The following SYNE1 variants were observed in gnomAD, a reference collection of about 807,000 sequenced individuals.
SYNE1 encodes nesprin-1.
SYNE1 carries 616 observed loss-of-function variants against 1,111.0 expected under a neutral mutation model. The ratio of observed to expected loss-of-function variants is 0.55; its 90% confidence interval spans 0.52 to 0.59. The LOEUF (loss-of-function observed/expected upper bound fraction) is 0.59. SYNE1 is among the 20% of genes least tolerant of loss of function. SYNE1 has a pLI of 0.00. For missense variants in SYNE1, 10,006 were observed against 10,417.0 expected, an observed-to-expected ratio of 0.96 and a Z score of 1.72; for synonymous variants, 3,855 against 3,825.8, an observed-to-expected ratio of 1.01 and a Z score of -0.28.
chr6:152,551,050 G>A (rs1457381159), intron 3 of SYNE1, among the ~76,000 whole-genome samples: 1 of 152,158 alleles, frequency 6.6e-6, no homozygotes, highest in Non-Finnish European at 1.5e-5. Flanking sequence ...CATTTGAACA[G>A]TTTCAAGCAG....
At chr6:152,212,457 C>T (rs1374234756) in intron 123 of SYNE1, among the ~76,000 whole-genome samples, 1 of 152,090 alleles carries the variant, frequency 6.6e-6, no homozygotes, top group Non-Finnish European at 1.5e-5. Context: ...ATATCAGTAC[C>T]TTATTCCTTT....
intron 17 of SYNE1, 77 bp from the exon 18 acceptor site, chr6:152,465,537 C>T: frequency 7.6e-7 from 1 of 1,311,334 alleles, no homozygotes; most frequent in East Asian, 2.5e-5. Flanking sequence ...TGGTCTTATA[C>T]ATTGGTGTGC....
chr6:152,559,623 GCAA>G (rs1044576694), intron 3 of SYNE1, among the ~76,000 whole-genome samples: 54 of 152,210 alleles, frequency 3.5e-4, no homozygotes, highest in African/African-American at 1.3e-3. Flanking sequence ...CTTAGGAGAT[GCAA>G]CAAAATAAGT....
chr6:152,488,335 A>C (rs2098952062), intron 12 of SYNE1, 61 bp downstream of exon 12: 2 of 850,168 alleles, frequency 2.4e-6, no homozygotes, highest in East Asian at 5.1e-5. Flanking sequence ...ATCAAATGAC[A>C]TATATAAATA....
At chr6:152,371,171 C>G (rs560790793) in intron 59 of SYNE1, among the ~76,000 whole-genome samples, 6 of 152,066 alleles carry the variant, frequency 3.9e-5, no homozygotes, top group African/African-American at 7.2e-5. Context: ...GTGTCCCCCC[C>G]CAAATCTCAT....
intron 63 of SYNE1, among the ~76,000 whole-genome samples, chr6:152,363,360 G>A (rs1022515633): frequency 6.1e-4 from 92 of 149,934 alleles, no homozygotes; most frequent in Non-Finnish European, 1.0e-3. Context: ...CGGGCATGGT[G>A]GCGGGCGCCT....
Position 152,135,147 on chromosome 6 carries a change from T to G in SYNE1, c.25745A>C (p.Asn8582Thr). 1 of 1,614,158 alleles carries G rather than the reference T, an allele frequency of 6.2e-7. No homozygotes were observed. The highest frequency in any genetic ancestry group is 8.5e-7 in the Non-Finnish European group (1 of 1,180,012). The change falls in exon 142 of 146, where the codon AAC becomes ACC. Residue 8582 changes from asparagine (N) to threonine (T), a missense_variant. This residue lies in a region of SYNE1 where 761 missense variants were observed against 795.5 expected (regional missense o/e 0.96). Transcript: ENST00000367255. The stretch of plus-strand genomic sequence containing the variant: ...GTCCTGAAGTATCTCTGCATCAAGG[T>G]TAGAATCAATAGGGACAATTTCATT... The part of the protein sequence containing the change: ...RKNEIVPIDS[N>T]LDAEILQDHH...
intron 64 of SYNE1, among the ~76,000 whole-genome samples, chr6:152,360,880 A>G (rs1264398779): frequency 6.6e-6 from 1 of 152,216 alleles, no homozygotes; most frequent in African/African-American, 2.4e-5. Flanking sequence ...ACTTTTATTC[A>G]GCGTGTGTTC....
chr6:152,155,963 G>T lies in SYNE1; in HGVS notation c.23925C>A (p.Asn7975Lys), dbSNP rs1586409516. The change falls in exon 132 of 146, where the codon AAC (asparagine) becomes AAA (lysine). Residue 7975 changes from asparagine (N) to lysine (K), a missense_variant. Asn to Lys is a moderately conservative substitution (Grantham distance 94, BLOSUM62 0). Around this residue, in one of 7 missense-constraint regions of SYNE1, gnomAD observed 2,182 missense variants for 2,287.8 expected, o/e 0.95. Coordinates refer to ENST00000367255, the MANE Select transcript of SYNE1 (RefSeq NM_182961.4). ...ECDSIQQATR[N>K]LDRRWRNICA... is the part of the protein sequence containing the mutation. ...AAATGTTTCTCCACCGCCGGTCCAG[G>T]TTTCTCGTAGCCTGCTGTATAGAGT... The T allele has an allele frequency of 4.3e-6, 7 of 1,614,054 alleles. No homozygotes were observed. In the East Asian group the frequency reaches 1.1e-4, roughly 26 times the overall value.
intron 130 of SYNE1, among the ~76,000 whole-genome samples, chr6:152,165,008 G>C (rs192672032): frequency 3.9e-5 from 6 of 152,218 alleles, no homozygotes; most frequent in Admixed American, 1.3e-4. Context: ...TTAAAGGCAG[G>C]GATCTGCAAT....
chr6:152,543,350 TTTAC>T (rs778644528), intron 3 of SYNE1, among the ~76,000 whole-genome samples: 56 of 152,172 alleles, frequency 3.7e-4, no homozygotes, highest in Non-Finnish European at 7.2e-4. Flanking sequence ...TTTTTCTGAT[TTTAC>T]TTACTATTTT....
At chr6:152,439,117 T>C (rs1423759609) in intron 32 of SYNE1, among the ~76,000 whole-genome samples, 1 of 152,246 alleles carries the variant, frequency 6.6e-6, no homozygotes, top group African/African-American at 2.4e-5. Flanking sequence ...TAATTCGGCA[T>C]ATTATATGTG....
intron 38 of SYNE1, 74 bp from the exon 39 acceptor site, chr6:152,425,621 G>A: frequency 1.3e-6 from 2 of 1,563,712 alleles, no homozygotes; most frequent in East Asian, 2.2e-5. Flanking sequence ...ACAGGCGGCT[G>A]TTGTCCAAAG....
In SYNE1 at chr6:152,255,128, C is replaced by G. The variant is rs543287430; in HGVS notation, c.19261-39G>C. The stretch of plus-strand genomic sequence containing the variant: ...AAGGGCATTTTTCAGTGTTTAGATA[C>G]ATGAATTGATATGCAAATCATGTTA... On this transcript the variant is annotated intron_variant, in intron 103 of 145. Coordinates refer to ENST00000367255, the MANE Select transcript of SYNE1 (RefSeq NM_182961.4). 6 of 1,482,804 alleles carry G rather than the reference C, an allele frequency of 4.0e-6. No individual in the cohort carries two copies. The South Asian group carries it at 7.2e-5, about 18-fold the overall frequency. The allele number at this position is 1,482,804 out of a possible 1,614,324, so 91.9% of individuals were successfully genotyped here.
rs779176432 is a variant in SYNE1, at chr6:152,350,699, C to G, written c.11652G>C (p.Leu3884Phe). The change falls in exon 71 of 146, where the codon TTG becomes TTC. Residue 3884 changes from leucine (L) to phenylalanine (F), a missense_variant. Transcript: ENST00000367255. ...TTAAAGTGACGTCCTGCACCAGTTC[C>G]AAAAGAGCTTCACCCTTCTCTCTCA... ...KSVREKGEAL[L>F]ELVQDVTLKD... 1.2e-5 allele frequency: 19 copies of G among 1,614,082 alleles called. No homozygotes were observed. Among genetic ancestry groups the G allele is most frequent in the Admixed American group, 1.7e-5 (1 of 60,018 alleles).
At chr6:152,370,040 A>C (rs909217233) in intron 59 of SYNE1, among the ~76,000 whole-genome samples, 1 of 151,462 alleles carries the variant, frequency 6.6e-6, no homozygotes, top group African/African-American at 2.4e-5. Context: ...CCCGCTCCAA[A>C]GTCTGAAACA....
intron 105 of SYNE1, among the ~76,000 whole-genome samples, chr6:152,247,674 A>G (rs1397566270): frequency 2.7e-5 from 4 of 149,482 alleles, no homozygotes; most frequent in South Asian, 2.1e-4. Flanking sequence ...AGACCAGACC[A>G]GCCTGGGCAA....
chr6:152,442,956 T>C (rs1467583223), intron 30 of SYNE1, among the ~76,000 whole-genome samples: 2 of 152,128 alleles, frequency 1.3e-5, no homozygotes, highest in African/African-American at 4.8e-5. Flanking sequence ...CAAAAATAAA[T>C]GAATAAATAT....
At chr6:152,505,846 A>T (rs189886260) in intron 8 of SYNE1, among the ~76,000 whole-genome samples, 1 of 152,236 alleles carries the variant, frequency 6.6e-6, no homozygotes, top group East Asian at 1.9e-4. Context: ...GAAAGAGCTA[A>T]CACGTTTCTA....
Sources: gnomAD v4.1 joint callset for allele counts (sites outside exome capture counted in the v4.1 genomes callset) on GRCh38, gnomAD v4.1.1 for gene constraint, gnomAD v4.1.1 regional missense constraint, MANE v1.5 for transcripts, NCBI Gene and HGNC (gene_info 2026-07-23, HGNC 2026-07-21) for gene names.